Variants in LUZP2 observed in about 807,000 individuals in gnomAD.
LUZP2 encodes the protein leucine zipper protein 2.
Under a neutral mutation model 51.6 loss-of-function variants are expected in LUZP2, and 52 were observed. That is an observed-to-expected ratio of 1.01 (90% CI 0.81 to 1.27). LUZP2 has a LOEUF of 1.27. Among genes scored for constraint, LUZP2 ranks in the 50% most tolerant of loss-of-function variants. LUZP2 has a pLI of 0.00. For synonymous variants in LUZP2, 154 were observed against 137.3 expected, an observed-to-expected ratio of 1.12 and a Z score of -0.85; for missense variants, 436 against 395.4, an observed-to-expected ratio of 1.10 and a Z score of -0.87.
intron 1 of LUZP2, among the ~76,000 whole-genome samples, chr11:24,698,138 C>G (rs1338449369): frequency 6.6e-6 from 1 of 152,146 alleles, no homozygotes. Flanking sequence ...GATAATTAAA[C>G]TCTTTCTTTT....
intron 1 of LUZP2, among the ~76,000 whole-genome samples, chr11:24,572,086 C>T (rs1395104095): frequency 1.3e-5 from 2 of 151,796 alleles, no homozygotes; most frequent in East Asian, 1.9e-4. Context: ...AAACTACAAC[C>T]AAGAGCAGAT....
chr11:24,544,333 A>G (rs939355629), intron 1 of LUZP2, among the ~76,000 whole-genome samples: 1 of 152,052 alleles, frequency 6.6e-6, no homozygotes, highest in Non-Finnish European at 1.5e-5. Flanking sequence ...GGTTTGTTAT[A>G]TAGGTAAACT....
At chr11:24,710,618 C>G (rs7125906) in intron 1 of LUZP2, among the ~76,000 whole-genome samples, 9,915 of 152,222 alleles carry the variant, frequency 0.065, 1,076 homozygotes, top group African/African-American at 0.22. Context: ...TGAAAGCAGC[C>G]TAGCCACAAT....
rs1859410934 is a variant in LUZP2, at chr11:25,079,493, CAG to C, written c.*836_*837del. Reference sequence around the variant, plus strand: ...AAAGCAGGTAATATATATCACAAAACAGGGGTCTGATGAAAGTACAATAGCCA... The same window carrying C: ...AAAGCAGGTAATATATATCACAAAACGGGTCTGATGAAAGTACAATAGCCA... On this transcript the variant is annotated 3_prime_UTR_variant, in exon 12 of 12. Transcript: ENST00000336930. 6.6e-6 allele frequency: 1 copy of C among 152,064 alleles called. No homozygotes were observed. Among genetic ancestry groups the C allele is most frequent in the African/African-American group, 2.4e-5 (1 of 41,436 alleles). 9.4% of individuals were successfully genotyped at this position (152,064 alleles called of 1,614,324 possible). A position where few individuals can be genotyped will look rare whatever the true frequency, so the allele number is the denominator to read the frequency against.
intron 4 of LUZP2, among the ~76,000 whole-genome samples, 178 bp downstream of exon 4, chr11:24,738,480 T>C (rs758984562): frequency 2.6e-5 from 4 of 152,028 alleles, no homozygotes; most frequent in Non-Finnish European, 5.9e-5. Context: ...CTGGAAAAGG[T>C]TAGTGTTTTA....
In LUZP2 at chr11:24,611,892, A is replaced by G. The variant is rs1854136827; in HGVS notation, c.62+114587A>G. Among the ~76,000 whole-genome samples the G allele has an allele frequency of 6.6e-6, 1 of 152,218 alleles. No individual in the cohort carries two copies. The highest frequency in any genetic ancestry group is 1.5e-5 in the Non-Finnish European group (1 of 68,020). On this transcript the variant is annotated intron_variant, in intron 1 of 11. Transcript: ENST00000336930. The surrounding 1 kb of genome is among the most constrained non-coding windows in gnomAD (Gnocchi z 4.6). The stretch of plus-strand genomic sequence containing the variant: ...GAATATTAAAATAATCACAGGAGAT[A>G]ATATAAATGTAGTCTTGAGTCAGAC...
intron 1 of LUZP2, among the ~76,000 whole-genome samples, chr11:24,597,887 A>T (rs1853495001): frequency 6.6e-6 from 1 of 152,122 alleles, no homozygotes; most frequent in South Asian, 2.1e-4. Context: ...GGAACACTTG[A>T]GGTCAGGAGT....
At chr11:24,968,608 G>A (rs147766833) in intron 7 of LUZP2, among the ~76,000 whole-genome samples, 1 of 152,044 alleles carries the variant, frequency 6.6e-6, no homozygotes, top group African/African-American at 2.4e-5. Flanking sequence ...TTATTACCCT[G>A]GTATGTGTAG....
At chr11:24,991,089 C>A (rs926401209) in intron 9 of LUZP2, among the ~76,000 whole-genome samples, 2 of 151,892 alleles carry the variant, frequency 1.3e-5, no homozygotes, top group African/African-American at 4.8e-5. Flanking sequence ...ATACACTGCA[C>A]CCTATTTGTA....
At chr11:24,533,881 C>T (rs543742484) in intron 1 of LUZP2, among the ~76,000 whole-genome samples, 44 of 151,206 alleles carry the variant, frequency 2.9e-4, no homozygotes, top group Admixed American at 1.3e-3. Context: ...AGTCACTTAA[C>T]ATATCTGTGC....
intron 1 of LUZP2, among the ~76,000 whole-genome samples, chr11:24,697,293 G>GTAAGTTTTCC (rs574026009): frequency 3.3e-5 from 5 of 152,174 alleles, no homozygotes; most frequent in Admixed American, 1.3e-4. Context: ...GAATTAGAGT[G>GTAAGTTTTCC]TAAATAGGCA....
At chr11:24,846,806 T>C (rs953570070) in intron 5 of LUZP2, among the ~76,000 whole-genome samples, 4 of 151,886 alleles carry the variant, frequency 2.6e-5, no homozygotes, top group Admixed American at 1.3e-4. Flanking sequence ...TCTCTTTTTC[T>C]TTCTCTCTGT....
chr11:24,586,566 A>G (rs1853074218), intron 1 of LUZP2, among the ~76,000 whole-genome samples: 1 of 152,106 alleles, frequency 6.6e-6, no homozygotes, highest in Non-Finnish European at 1.5e-5. Context: ...TGACCATTAA[A>G]AAGTCATACA....
chr11:24,987,055 C>T (rs146117522), intron 9 of LUZP2, among the ~76,000 whole-genome samples: 246 of 151,882 alleles, frequency 1.6e-3, no homozygotes, highest in African/African-American at 5.7e-3. Context: ...GAGATAATTA[C>T]AGCACCAACC....
chr11:25,014,296 C>G (rs1813892754), intron 9 of LUZP2, among the ~76,000 whole-genome samples: 1 of 152,186 alleles, frequency 6.6e-6, no homozygotes. Context: ...AATGCTATTT[C>G]TAGTTCTAGA....
intron 9 of LUZP2, among the ~76,000 whole-genome samples, chr11:25,018,049 T>TTTTTTTTTTTTTTTTTTTGTTTTGTTTTG (rs1857211364): frequency 4.0e-5 from 4 of 100,958 alleles, no homozygotes; most frequent in Non-Finnish European, 6.3e-5. Flanking sequence ...TTTTTTTTTG[T>TTTTTTTTTTTTTTTTTTTGTTTTGTTTTG]TTTTTTTTTT....
chr11:25,059,198 T>A (rs543757864), intron 10 of LUZP2, among the ~76,000 whole-genome samples: 1 of 152,282 alleles, frequency 6.6e-6, no homozygotes, highest in South Asian at 2.1e-4. Context: ...GAGACATGAC[T>A]AATCTCTTTA....
Position 24,552,689 on chromosome 11 carries a change from C to T in LUZP2, c.62+55384C>T, listed in dbSNP as rs150745262. On this transcript the variant is annotated intron_variant, in intron 1 of 11. Transcript: ENST00000336930. ...ATAAAATGCAATAGAAATAATAAACCGCTCTCAATGGCAACATAAACCATG... is the reference window on the plus strand; with the variant it reads ...ATAAAATGCAATAGAAATAATAAACTGCTCTCAATGGCAACATAAACCATG... Among the ~76,000 whole-genome samples, 412 of 151,872 alleles carry T rather than the reference C, an allele frequency of 2.7e-3. 1 individual carries two copies. The highest frequency in any genetic ancestry group is 6.8e-3 in the Middle Eastern group (2 of 292).
intron 4 of LUZP2, among the ~76,000 whole-genome samples, chr11:24,757,543 C>G (rs1037284458): frequency 1.3e-4 from 19 of 151,738 alleles, no homozygotes; most frequent in Non-Finnish European, 2.2e-4. Flanking sequence ...GACATTAATT[C>G]AAGAAGTTGG....
Sources: gnomAD v4.1 joint callset for allele counts (sites outside exome capture counted in the v4.1 genomes callset) on GRCh38, gnomAD v4.1.1 for gene constraint, Gnocchi (gnomAD v3.1) non-coding constraint, MANE v1.5 for transcripts, NCBI Gene and HGNC (gene_info 2026-07-23, HGNC 2026-07-21) for gene names.